Variants in RALYL observed in about 807,000 individuals in gnomAD.
RALYL encodes RNA-binding Raly-like protein.
RALYL carries 29 observed loss-of-function variants against 35.1 expected under a neutral mutation model. The observed-to-expected ratio is 0.83, with a 90% confidence interval of 0.61 to 1.13. The LOEUF (loss-of-function observed/expected upper bound fraction) is 1.13. Among genes scored for constraint, RALYL ranks in the 50% most tolerant of loss-of-function variants. The pLI is 0.00. For synonymous variants in RALYL, 120 were observed against 127.6 expected (o/e 0.94, Z 0.40); for missense variants, 359 against 360.4 (o/e 1.00, Z 0.03).
chr8:84,764,489 AAAAACAGTCT>A (rs1813437551), intron 2 of RALYL, among the ~76,000 whole-genome samples: 1 of 152,318 alleles, frequency 6.6e-6, no homozygotes, highest in African/African-American at 2.4e-5. Flanking sequence ...CTATTAGGGA[AAAAACAGTCT>A]AAATCTAAAT....
chr8:84,582,597 A>G (rs1335370166), intron 2 of RALYL, among the ~76,000 whole-genome samples: 2 of 152,070 alleles, frequency 1.3e-5, no homozygotes, highest in East Asian at 3.9e-4. Flanking sequence ...ATTTTCTGGG[A>G]CATTGTTATT....
intron 1 of RALYL, among the ~76,000 whole-genome samples, chr8:84,374,623 T>C (rs111833692): frequency 0.03 from 4,488 of 151,828 alleles, 217 homozygotes; most frequent in African/African-American, 0.1. Flanking sequence ...AAACCAAGTA[T>C]TGCATGTTCT....
At chr8:84,810,632 G>T (rs1035531036) in intron 4 of RALYL, among the ~76,000 whole-genome samples, 1 of 152,024 alleles carries the variant, frequency 6.6e-6, no homozygotes, top group Non-Finnish European at 1.5e-5. Flanking sequence ...ACATTTCTTA[G>T]GTCTATTAGT....
rs183523732 is a variant in RALYL, at chr8:84,752,031, G to A, written c.257-22548G>A. Among the ~76,000 whole-genome samples, 84 of 152,302 alleles carry A rather than the reference G, an allele frequency of 5.5e-4. 1 individual carries two copies. The East Asian group carries it at 0.015, about 26-fold the overall frequency. On this transcript the variant is annotated intron_variant, in intron 2 of 8. Coordinates refer to ENST00000521268, the MANE Select transcript of RALYL (RefSeq NM_173848.7). ...GATTGGAGGGCTCAACAGAAGACAGGAAGATGAGGGAAGGTTTGGAATTTC... is the reference window on the plus strand; with the variant it reads ...GATTGGAGGGCTCAACAGAAGACAGAAAGATGAGGGAAGGTTTGGAATTTC...
At chr8:84,425,821 G>GTGTGTA (rs1250540354) in intron 1 of RALYL, among the ~76,000 whole-genome samples, 16 of 150,930 alleles carry the variant, frequency 1.1e-4, no homozygotes, top group African/African-American at 3.9e-4. Flanking sequence ...GTGTGTGTGT[G>GTGTGTA]TGTAAGTTGC....
intron 2 of RALYL, among the ~76,000 whole-genome samples, chr8:84,693,607 C>A (rs73298115): frequency 6.6e-6 from 1 of 151,782 alleles, no homozygotes; most frequent in Non-Finnish European, 1.5e-5. Context: ...TATTTTTAGA[C>A]GCATTTTATG....
intron 2 of RALYL, among the ~76,000 whole-genome samples, chr8:84,536,429 C>T (rs146843967): frequency 6.6e-6 from 1 of 152,182 alleles, no homozygotes; most frequent in Non-Finnish European, 1.5e-5. Context: ...AGCATCCATC[C>T]TATTTCACTT....
At chr8:84,483,980 G>A (rs1052521014) in intron 1 of RALYL, among the ~76,000 whole-genome samples, 1 of 151,898 alleles carries the variant, frequency 6.6e-6, no homozygotes. Flanking sequence ...CTATTTTAAT[G>A]TTTCTTAAAT....
At chr8:84,443,025 A>C (rs922843295) in intron 1 of RALYL, among the ~76,000 whole-genome samples, 1 of 152,116 alleles carries the variant, frequency 6.6e-6, no homozygotes, top group Admixed American at 6.6e-5. Context: ...TAAATATGTC[A>C]ATGTTTGCAA....
At chr8:84,813,807 G>T (rs923899888) in intron 4 of RALYL, among the ~76,000 whole-genome samples, 6 of 152,006 alleles carry the variant, frequency 3.9e-5, no homozygotes, top group African/African-American at 1.5e-4. Context: ...TGCACAACGT[G>T]CAGGTTTGTT....
At chr8:84,603,011 A>T (rs1816304934) in intron 2 of RALYL, among the ~76,000 whole-genome samples, 2 of 152,174 alleles carry the variant, frequency 1.3e-5, no homozygotes, top group African/African-American at 4.8e-5. Flanking sequence ...TGTCCTAGAC[A>T]TAAAGAACAG....
intron 1 of RALYL, among the ~76,000 whole-genome samples, chr8:84,352,299 A>G (rs969110541): frequency 2.7e-5 from 4 of 150,320 alleles, no homozygotes; most frequent in Non-Finnish European, 5.9e-5. Flanking sequence ...GAACCTCTGA[A>G]AAAACTGAGG....
At chr8:84,832,998 A>G (rs1459700519) in intron 4 of RALYL, among the ~76,000 whole-genome samples, 3 of 152,182 alleles carry the variant, frequency 2.0e-5, no homozygotes, top group African/African-American at 7.2e-5. Context: ...CTGGAGCCAC[A>G]ATGAAGAAAT....
At chr8:84,616,435 A>G (rs1373946507) in intron 2 of RALYL, among the ~76,000 whole-genome samples, 8 of 149,542 alleles carry the variant, frequency 5.3e-5, no homozygotes, top group African/African-American at 2.0e-4. Context: ...CCACTTTTTG[A>G]TGGGGTTGTT....
At chr8:84,898,167 T>C (rs1025853057) in intron 8 of RALYL, among the ~76,000 whole-genome samples, 2 of 152,180 alleles carry the variant, frequency 1.3e-5, no homozygotes, top group African/African-American at 2.4e-5. Flanking sequence ...CATCATATCA[T>C]GTGGAGTATT....
At chr8:84,594,839 G>A (rs1814108170) in intron 2 of RALYL, among the ~76,000 whole-genome samples, 1 of 151,980 alleles carries the variant, frequency 6.6e-6, no homozygotes, top group Non-Finnish European at 1.5e-5. Flanking sequence ...TCAAGTTGGG[G>A]TTTCAACCTG....
At chr8:84,652,484 A>T (rs1829047724) in intron 2 of RALYL, among the ~76,000 whole-genome samples, 1 of 152,036 alleles carries the variant, frequency 6.6e-6, no homozygotes, top group South Asian at 2.1e-4. Context: ...GTATTATAGC[A>T]ATCCCCTTTC....
At chr8:84,429,523 T>C (rs1399336091) in intron 1 of RALYL, among the ~76,000 whole-genome samples, 4 of 152,096 alleles carry the variant, frequency 2.6e-5, no homozygotes, top group Non-Finnish European at 4.4e-5. Flanking sequence ...GTCCACATTA[T>C]ATTTTTGTTT....
intron 2 of RALYL, among the ~76,000 whole-genome samples, chr8:84,561,786 C>A (rs1027487822): frequency 6.6e-6 from 1 of 151,852 alleles, no homozygotes; most frequent in African/African-American, 2.4e-5. Context: ...GATTTGGGTT[C>A]TGGAATGGAG....
Sources: gnomAD v4.1 joint callset for allele counts (sites outside exome capture counted in the v4.1 genomes callset) on GRCh38, gnomAD v4.1.1 for gene constraint, MANE v1.5 for transcripts, NCBI Gene and HGNC (gene_info 2026-07-23, HGNC 2026-07-21) for gene names.